Variants in CYP2C19 observed in about 807,000 individuals in gnomAD.
The protein encoded by CYP2C19 is cytochrome P450 family 2 subfamily C member 19, also known as cytochrome P450 2C19.
Under a neutral mutation model 40.9 loss-of-function variants are expected in CYP2C19, and 59 were observed. The ratio of observed to expected loss-of-function variants is 1.44; its 90% CI spans 1.17 to 1.79. The LOEUF (loss-of-function observed/expected upper bound fraction) is 1.79. CYP2C19 is among the 40% of genes most tolerant of loss of function. CYP2C19 has a pLI of 0.00. For synonymous variants in CYP2C19, 253 were observed against 208.7 expected, an observed-to-expected ratio of 1.21 and a Z score of -1.83; for missense variants, 754 against 596.9, an observed-to-expected ratio of 1.26 and a Z score of -2.74.
At chr10:94,767,775 C>T (rs187300020) in intron 1 of CYP2C19, among the ~76,000 whole-genome samples, 95 of 152,232 alleles carry the variant, frequency 6.2e-4, no homozygotes, top group African/African-American at 2.2e-3. Flanking sequence ...GGTATAAGTA[C>T]CTGTCCTTCT....
At chr10:94,830,880 C>T (rs1389523980) in intron 6 of CYP2C19, among the ~76,000 whole-genome samples, 3 of 151,910 alleles carry the variant, frequency 2.0e-5, no homozygotes, top group Non-Finnish European at 2.9e-5. Context: ...GGTATCTGTG[C>T]CCTCAAGCAT....
Position 94,820,508 on chromosome 10 carries a change from C to A in CYP2C19, c.832C>A (p.Gln278Lys). ...LIKMEKEKQN[Q>K]QSEFTIENLV... The stretch of plus-strand genomic sequence containing the variant: ...AAATCATTCCTAGGAAAAGCAAAAC[C>A]AACAGTCTGAATTCACTATTGAAAA... Residue 278 changes from glutamine to lysine, a missense_variant, in exon 6 of 9, where the codon CAA becomes AAA. Transcript: ENST00000371321. The A allele has an allele frequency of 1.2e-6, 2 of 1,613,994 alleles. No individual in the cohort carries two copies. Among genetic ancestry groups the A allele is most frequent in the South Asian group, 2.2e-5 (2 of 91,072 alleles).
chr10:94,820,277 C>A (rs1263591253), intron 5 of CYP2C19, among the ~76,000 whole-genome samples: 1 of 151,928 alleles, frequency 6.6e-6, no homozygotes, highest in Non-Finnish European at 1.5e-5. Context: ...AACCCACAGC[C>A]AATATCATAC....
Position 94,855,013 on chromosome 10 carries a change from C to T in CYP2C19, c.*2099C>T, listed in dbSNP as rs1849711024. Among the ~76,000 whole-genome samples, 1 of 152,162 alleles carries T rather than the reference C, an allele frequency of 6.6e-6. No individual in the cohort carries two copies. Among genetic ancestry groups the T allele is most frequent in the Non-Finnish European group, 1.5e-5 (1 of 68,022 alleles). On this transcript the variant is annotated 3_prime_UTR_variant, in exon 9 of 9. Transcript: ENST00000371321. ...GAGATAAATAAAAAAGTTGTCTAGT[C>T]TGTTTCCTCCTGGAGACTGTAGTGG...
intron 5 of CYP2C19, among the ~76,000 whole-genome samples, chr10:94,810,177 G>T (rs1198728955): frequency 1.3e-5 from 2 of 152,146 alleles, no homozygotes; most frequent in Non-Finnish European, 2.9e-5. Flanking sequence ...ACGTCGCCCG[G>T]CCTACATTTA....
chr10:94,850,180 G>A lies in CYP2C19; in HGVS notation c.1291+122G>A. 3 of 1,165,122 alleles carry A rather than the reference G, an allele frequency of 2.6e-6. No homozygotes were observed. The South Asian group carries it at 4.0e-5, about 16-fold the overall frequency. The allele number at this position is 1,165,122 out of a possible 1,614,324, so 72.2% of individuals were successfully genotyped here. A position where few individuals can be genotyped will look rare whatever the true frequency, so the allele number is the denominator to read the frequency against. ...CTCTTTGTACATGATCAAGAGCACTGTTCTGAATGCCTGTGTTTTCTCCGC... is the reference window on the plus strand; with the variant it reads ...CTCTTTGTACATGATCAAGAGCACTATTCTGAATGCCTGTGTTTTCTCCGC... On this transcript the variant is annotated intron_variant, in intron 8 of 8. Transcript: ENST00000371321.
At chr10:94,828,261 G>T (rs1283908643) in intron 6 of CYP2C19, among the ~76,000 whole-genome samples, 3 of 150,780 alleles carry the variant, frequency 2.0e-5, no homozygotes, top group Non-Finnish European at 4.5e-5. Context: ...TTGACAGTGG[G>T]GTGTTAAAGT....
At chr10:94,763,006 C>T (rs906172277) in intron 1 of CYP2C19, 133 bp downstream of exon 1, 2 of 911,196 alleles carry the variant, frequency 2.2e-6, no homozygotes, top group Non-Finnish European at 3.4e-6. Flanking sequence ...GCTTTTGTTG[C>T]CTTTTCCAGT....
At chr10:94,848,960 G>C (rs1317715461) in intron 7 of CYP2C19, among the ~76,000 whole-genome samples, 1 of 152,118 alleles carries the variant, frequency 6.6e-6, no homozygotes, top group African/African-American at 2.4e-5. Flanking sequence ...TTGTTTATCA[G>C]CTTAAGGAGA....
chr10:94,844,020 G>T (rs1265328409), intron 7 of CYP2C19, among the ~76,000 whole-genome samples: 1 of 152,082 alleles, frequency 6.6e-6, no homozygotes, highest in Admixed American at 6.6e-5. Context: ...ATATTGTTTA[G>T]GGCTTCTGTG....
intron 3 of CYP2C19, among the ~76,000 whole-genome samples, chr10:94,776,621 G>A (rs1373930681): frequency 6.6e-6 from 1 of 151,982 alleles, no homozygotes; most frequent in Admixed American, 6.6e-5. Flanking sequence ...TGTGAATTTG[G>A]AAGCTCTTTA....
intron 1 of CYP2C19, 139 bp from the exon 2 acceptor site, chr10:94,774,919 T>C (rs759219733): frequency 2.2e-5 from 19 of 879,588 alleles, no homozygotes; most frequent in Middle Eastern, 4.5e-4. Context: ...ATCATGTTTA[T>C]ATATAAAATT....
rs745779072 is a variant in CYP2C19, at chr10:94,818,731, CA to C, written c.820-1764del. Among the ~76,000 whole-genome samples the C allele has an allele frequency of 3.7e-3, 550 of 149,168 alleles. 2 individuals are homozygous for C. Among genetic ancestry groups the C allele is most frequent in the Non-Finnish European group, 5.8e-3 (390 of 67,240 alleles). ...TATAAGAATGCTTGTGATTTTTGTA[CA>C]TTGATTTTGTATCCTGAGACTTTGC... is the stretch of plus-strand genomic sequence containing the variant. On this transcript the variant is annotated intron_variant, in intron 5 of 8. Coordinates refer to ENST00000371321, the MANE Select transcript of CYP2C19 (RefSeq NM_000769.4).
chr10:94,766,924 G>C (rs1345890073), intron 1 of CYP2C19, among the ~76,000 whole-genome samples: 3 of 152,108 alleles, frequency 2.0e-5, no homozygotes, highest in Non-Finnish European at 4.4e-5. Context: ...GTAGAGGGGA[G>C]AGATTTGATC....
At chr10:94,849,588 A>G (rs1028602259) in intron 7 of CYP2C19, among the ~76,000 whole-genome samples, 1 of 149,452 alleles carries the variant, frequency 6.7e-6, no homozygotes, top group Non-Finnish European at 1.5e-5. Context: ...CCATTAACTC[A>G]TCATTTAGCA....
At chr10:94,769,055 A>T (rs71482318) in intron 1 of CYP2C19, among the ~76,000 whole-genome samples, 25,423 of 152,066 alleles carry the variant, frequency 0.17, 2,355 homozygotes, top group South Asian at 0.33. Flanking sequence ...TAGGGTGAGG[A>T]TAAGCCAGTA....
intron 1 of CYP2C19, among the ~76,000 whole-genome samples, chr10:94,771,601 T>C (rs1366727648): frequency 6.6e-6 from 1 of 152,018 alleles, no homozygotes; most frequent in Admixed American, 6.5e-5. Context: ...GTCAAATTGG[T>C]CCCAATGGCT....
chr10:94,804,334 C>T (rs762114457), intron 5 of CYP2C19, among the ~76,000 whole-genome samples: 4 of 152,304 alleles, frequency 2.6e-5, no homozygotes, highest in Middle Eastern at 3.4e-3. Flanking sequence ...TGCTAAGGTG[C>T]TTTCCACAAT....
intron 6 of CYP2C19, among the ~76,000 whole-genome samples, chr10:94,831,673 G>A (rs1374265091): frequency 6.6e-6 from 1 of 152,102 alleles, no homozygotes; most frequent in Non-Finnish European, 1.5e-5. Context: ...CCACCTTTTT[G>A]TATGTCTGTT....
Sources: allele counts gnomAD v4.1 joint callset (sites outside exome capture counted in the v4.1 genomes callset), GRCh38; gene constraint gnomAD v4.1.1; transcripts MANE v1.5; gene names NCBI Gene and HGNC (gene_info 2026-07-23, HGNC 2026-07-21).